Variants in ITGB6 observed in about 807,000 individuals in gnomAD.
ITGB6 encodes integrin subunit beta 6.
Under a neutral mutation model 84.5 loss-of-function variants are expected in ITGB6, and 80 were observed. The observed-to-expected ratio is 0.95, with a 90% confidence interval of 0.79 to 1.14. The LOEUF is 1.14. Among genes scored for constraint, ITGB6 ranks in the 50% most tolerant of loss-of-function variants. The pLI, the probability that ITGB6 is intolerant of heterozygous loss-of-function variation, is 0.00. For missense variants in ITGB6, 1,006 were observed against 968.0 expected (o/e 1.04, Z -0.52); for synonymous variants, 383 against 354.9 (o/e 1.08, Z -0.89).
intron 4 of ITGB6, among the ~76,000 whole-genome samples, chr2:160,182,107 C>T (rs781272834): frequency 5.3e-5 from 8 of 152,170 alleles, no homozygotes; most frequent in Non-Finnish European, 1.0e-4. Context: ...TACAACTCCT[C>T]GCCAGCAAGA....
intron 8 of ITGB6, 108 bp from the exon 9 acceptor site, chr2:160,138,307 T>TGG: frequency 2.7e-6 from 3 of 1,091,338 alleles, no homozygotes; most frequent in Non-Finnish European, 3.8e-6. Context: ...AAAACTAAAT[T>TGG]GGGTGTCTAA....
intron 7 of ITGB6, among the ~76,000 whole-genome samples, chr2:160,158,162 G>T (rs1384662343): frequency 1.3e-5 from 2 of 152,180 alleles, no homozygotes; most frequent in African/African-American, 4.8e-5. Context: ...CATTCCATAG[G>T]CAGGCAGGTA....
chr2:160,103,318 C>A (rs1696793961), intron 14 of ITGB6, among the ~76,000 whole-genome samples: 1 of 152,204 alleles, frequency 6.6e-6, no homozygotes, highest in Admixed American at 6.5e-5. Flanking sequence ...GGGAATCACA[C>A]CTGCACCCAT....
Position 160,112,218 on chromosome 2 carries a change from T to C in ITGB6, c.1982-19A>G. The stretch of plus-strand genomic sequence containing the variant: ...GAGAAATCTGCAGATAAAGGAGTCA[T>C]TCATTAGGTTAAACAAGATTCCAAA... On this transcript the variant is annotated intron_variant, in intron 12 of 14. Transcript: ENST00000283249. 6.4e-7 allele frequency: 1 copy of C among 1,556,574 alleles called. No homozygotes were observed. The highest frequency in any genetic ancestry group is 2.3e-5 in the East Asian group (1 of 43,780).
In ITGB6 at chr2:160,123,866, ACAGGTGGCACTCAATG is replaced by A; in HGVS notation, c.1890_1905del (p.Ile631GlnfsTer16). 4.3e-6 allele frequency: 7 copies of A among 1,613,772 alleles called. No homozygotes were observed. The highest frequency in any genetic ancestry group is 5.9e-6 in the Non-Finnish European group (7 of 1,179,734). ...TCTTCTCGGGCTTGGCCAGCTGCTG[ACAGGTGGCACTCAATG>A]CAGCTCCTGTGGACAGTATCCAACA... On this transcript the variant is annotated frameshift_variant, in exon 12 of 15. Coordinates refer to ENST00000283249, the MANE Select transcript of ITGB6 (RefSeq NM_000888.5). LOFTEE classifies it high-confidence loss of function.
chr2:160,120,668 T>TAA (rs200095827), intron 12 of ITGB6, among the ~76,000 whole-genome samples: 17 of 16,122 alleles, frequency 1.1e-3, no homozygotes, highest in African/African-American at 2.8e-3. Context: ...AGAGTATAAT[T>TAA]AAAAAAAAAA....
At chr2:160,191,118 G>T (rs543041073) in intron 4 of ITGB6, among the ~76,000 whole-genome samples, 1 of 152,306 alleles carries the variant, frequency 6.6e-6, no homozygotes, top group African/African-American at 2.4e-5. Flanking sequence ...AGATAGTTAA[G>T]AGGTTGTTAG....
intron 10 of ITGB6, among the ~76,000 whole-genome samples, chr2:160,133,499 G>T (rs942439965): frequency 6.6e-6 from 1 of 151,844 alleles, no homozygotes; most frequent in South Asian, 2.1e-4. Context: ...AGACAGATGA[G>T]ACAGAAAGTT....
intron 12 of ITGB6, among the ~76,000 whole-genome samples, chr2:160,119,454 G>T (rs1054142726): frequency 6.6e-6 from 1 of 151,946 alleles, no homozygotes; most frequent in African/African-American, 2.4e-5. Context: ...GGGAAAACTG[G>T]CTAGCCATAT....
chr2:160,193,436 A>G (rs1277831758), intron 4 of ITGB6, among the ~76,000 whole-genome samples: 1 of 152,238 alleles, frequency 6.6e-6, no homozygotes, highest in Non-Finnish European at 1.5e-5. Context: ...AAACCAATAT[A>G]AATTATAGAA....
chr2:160,139,308 C>T lies in ITGB6; in HGVS notation c.1108-1109G>A, dbSNP rs182141851. 3.0e-4 allele frequency among the ~76,000 whole-genome samples: 46 copies of T among 152,176 alleles called. 1 individual carries two copies. The highest frequency in any genetic ancestry group is 1.0e-3 in the African/African-American group (43 of 41,548). On this transcript the variant is annotated intron_variant, in intron 8 of 14. Coordinates refer to ENST00000283249, the MANE Select transcript of ITGB6 (RefSeq NM_000888.5). ...CTTGTTGGCATTTAAAAAGCATATT[C>T]GGCTTCAAATTTCCCTTAAGTGTAA...
intron 7 of ITGB6, among the ~76,000 whole-genome samples, chr2:160,159,369 C>G (rs183784885): frequency 6.6e-6 from 1 of 152,262 alleles, no homozygotes; most frequent in East Asian, 1.9e-4. Flanking sequence ...TGGTGTAGAA[C>G]AGTCTATCAG....
chr2:160,117,486 A>T (rs184708580), intron 12 of ITGB6, among the ~76,000 whole-genome samples: 1 of 152,372 alleles, frequency 6.6e-6, no homozygotes, highest in African/African-American at 2.4e-5. Context: ...GAAACAACAT[A>T]CCAGAATCTC....
At chr2:160,156,695 G>GT (rs2105846392) in intron 7 of ITGB6, among the ~76,000 whole-genome samples, 2 of 152,218 alleles carry the variant, frequency 1.3e-5, no homozygotes, top group African/African-American at 4.8e-5. Context: ...CATTATTCCT[G>GT]TTTTATGGCC....
chr2:160,172,759 T>C (rs755834296), intron 5 of ITGB6, 29 bp from the exon 6 acceptor site: 30 of 1,566,546 alleles, frequency 1.9e-5, no homozygotes, highest in Non-Finnish European at 2.5e-5. Flanking sequence ...ATTTGTGTGA[T>C]ATTGGAGGGA....
intron 12 of ITGB6, among the ~76,000 whole-genome samples, chr2:160,122,844 C>T (rs1254737083): frequency 1.3e-5 from 2 of 152,100 alleles, no homozygotes; most frequent in Non-Finnish European, 2.9e-5. Context: ...GATTAATTTC[C>T]GTATTCTAAT....
intron 11 of ITGB6, among the ~76,000 whole-genome samples, chr2:160,124,945 GT>G (rs1683179157): frequency 6.6e-6 from 1 of 152,208 alleles, no homozygotes; most frequent in African/African-American, 2.4e-5. Flanking sequence ...ATTTGGAGTG[GT>G]TTTGAAGGGG....
At chr2:160,109,369 C>T (rs1697031360) in intron 13 of ITGB6, among the ~76,000 whole-genome samples, 1 of 152,176 alleles carries the variant, frequency 6.6e-6, no homozygotes, top group African/African-American at 2.4e-5. Context: ...AGGCCTGTGT[C>T]ATGAGAATAT....
At chr2:160,150,547 A>G (rs1684373606) in intron 7 of ITGB6, among the ~76,000 whole-genome samples, 1 of 152,224 alleles carries the variant, frequency 6.6e-6, no homozygotes, top group African/African-American at 2.4e-5. Context: ...AAACTGCATC[A>G]ATTAACGGAC....
Sources: allele counts gnomAD v4.1 joint callset (sites outside exome capture counted in the v4.1 genomes callset), GRCh38; gene constraint gnomAD v4.1.1; transcripts MANE v1.5; gene names NCBI Gene and HGNC (gene_info 2026-07-23, HGNC 2026-07-21).